Variants in DPYD observed in about 807,000 individuals in gnomAD.
DPYD encodes the protein dihydropyrimidine dehydrogenase, also known as dihydropyrimidine dehydrogenase [NADP(+)].
DPYD carries 109 observed loss-of-function variants against 116.2 expected under a neutral mutation model. The observed-to-expected ratio is 0.94, with a 90% confidence interval of 0.80 to 1.10. The LOEUF (loss-of-function observed/expected upper bound fraction) is 1.10. Among genes scored for constraint, DPYD ranks in the 50% least tolerant of loss-of-function variants. The probability of loss-of-function intolerance (pLI) is 0.00; values close to 1 mark genes in which losing one functional copy is unlikely to be tolerated. For missense variants in DPYD, 1,302 were observed against 1,254.5 expected (o/e 1.04, Z -0.57); for synonymous variants, 440 against 432.0 (o/e 1.02, Z -0.23).
At chr1:97,310,249 G>T (rs1667424842) in intron 16 of DPYD, among the ~76,000 whole-genome samples, 1 of 151,698 alleles carries the variant, frequency 6.6e-6, no homozygotes, top group South Asian at 2.1e-4. Flanking sequence ...GAGGTGGCTA[G>T]AATTTTCATT....
At chr1:97,430,105 T>C (rs996009758) in intron 14 of DPYD, among the ~76,000 whole-genome samples, 2 of 152,128 alleles carry the variant, frequency 1.3e-5, no homozygotes, top group Non-Finnish European at 1.5e-5. Flanking sequence ...ATAATTCAGT[T>C]ACGTTTATTG....
chr1:97,195,519 G>GGAGAGAGAGAGAGAGA (rs3050245), intron 19 of DPYD, among the ~76,000 whole-genome samples: 1 of 75,024 alleles, frequency 1.3e-5, no homozygotes, highest in African/African-American at 5.2e-5. Flanking sequence ...AATGGGATAA[G>GGAGAGAGAGAGAGAGA]GAGAGAGAGA....
intron 3 of DPYD, among the ~76,000 whole-genome samples, chr1:97,779,249 T>C (rs1666592671): frequency 6.6e-6 from 1 of 151,902 alleles, no homozygotes; most frequent in Non-Finnish European, 1.5e-5. Flanking sequence ...CCAATAACAG[T>C]TTAAGAAGTT....
At chr1:97,693,467 C>G (rs2100956198) in intron 6 of DPYD, among the ~76,000 whole-genome samples, 1 of 152,076 alleles carries the variant, frequency 6.6e-6, no homozygotes, top group East Asian at 1.9e-4. Context: ...CTTGTGAACT[C>G]CAGCCACATT....
At chr1:97,424,122 T>C (rs1227325955) in intron 14 of DPYD, among the ~76,000 whole-genome samples, 3 of 152,076 alleles carry the variant, frequency 2.0e-5, no homozygotes, top group Non-Finnish European at 4.4e-5. Flanking sequence ...AGCCAGACAA[T>C]TAAACAAACT....
intron 3 of DPYD, among the ~76,000 whole-genome samples, chr1:97,820,809 G>A (rs1222910025): frequency 6.6e-6 from 1 of 152,126 alleles, no homozygotes; most frequent in Admixed American, 6.5e-5. Context: ...GGCAATGTTG[G>A]CACTCCAAAA....
intron 20 of DPYD, among the ~76,000 whole-genome samples, chr1:97,176,050 T>C (rs1657231887): frequency 6.6e-6 from 1 of 152,232 alleles, no homozygotes; most frequent in Non-Finnish European, 1.5e-5. Flanking sequence ...GGAGTGTTAC[T>C]GAACAAACAT....
At chr1:97,895,669 T>G (rs1463135377) in intron 1 of DPYD, among the ~76,000 whole-genome samples, 1 of 151,662 alleles carries the variant, frequency 6.6e-6, no homozygotes, top group Non-Finnish European at 1.5e-5. Flanking sequence ...AGCAAGGAGC[T>G]GAGGAGTTGG....
At chr1:97,644,425 T>G (rs1467134636) in intron 8 of DPYD, among the ~76,000 whole-genome samples, 2 of 151,764 alleles carry the variant, frequency 1.3e-5, no homozygotes, top group Non-Finnish European at 2.9e-5. Flanking sequence ...GAATTTTCCA[T>G]TTTTGTTTGT....
chr1:97,209,940 T>A (rs1051044951), intron 19 of DPYD, among the ~76,000 whole-genome samples: 3 of 152,158 alleles, frequency 2.0e-5, no homozygotes, highest in Non-Finnish European at 4.4e-5. Flanking sequence ...CCACAAACTG[T>A]TAAGGTCCTC....
chr1:97,627,289 T>G (rs1048173172), intron 8 of DPYD, among the ~76,000 whole-genome samples: 9 of 152,076 alleles, frequency 5.9e-5, no homozygotes, highest in Admixed American at 3.3e-4. Flanking sequence ...ACTTACAACA[T>G]ATTGCCTCCA....
chr1:97,664,253 T>C (rs1008706758), intron 8 of DPYD, among the ~76,000 whole-genome samples: 3 of 152,080 alleles, frequency 2.0e-5, no homozygotes, highest in African/African-American at 4.8e-5. Context: ...AGGAAACTTA[T>C]AAATATTAGA....
At chr1:97,414,527 G>C (rs938274660) in intron 14 of DPYD, among the ~76,000 whole-genome samples, 3 of 152,218 alleles carry the variant, frequency 2.0e-5, no homozygotes, top group Admixed American at 1.3e-4. Flanking sequence ...ATGTGCATCA[G>C]AGGGGGCTCA....
intron 10 of DPYD, among the ~76,000 whole-genome samples, chr1:97,581,043 C>G (rs902045824): frequency 6.6e-6 from 1 of 151,942 alleles, no homozygotes; most frequent in Non-Finnish European, 1.5e-5. Context: ...GGTTTAGGAG[C>G]CTGATTAAAA....
At chr1:97,897,932 G>T (rs928292132) in intron 1 of DPYD, among the ~76,000 whole-genome samples, 2 of 151,694 alleles carry the variant, frequency 1.3e-5, no homozygotes, top group African/African-American at 2.4e-5. Context: ...ACCATATTGG[G>T]TACATGATAT....
chr1:97,382,486 A>G (rs749583117), intron 14 of DPYD, 25 bp from the exon 15 acceptor site: 19 of 1,482,302 alleles, frequency 1.3e-5, no homozygotes, highest in African/African-American at 1.1e-4. Flanking sequence ...ACAAAAGAAT[A>G]TAAGTTCAAG....
intron 8 of DPYD, among the ~76,000 whole-genome samples, chr1:97,632,519 T>C (rs910553118): frequency 1.3e-5 from 2 of 152,126 alleles, no homozygotes; most frequent in Non-Finnish European, 2.9e-5. Context: ...GAGTAACAAA[T>C]ATTTTAAGAC....
At chr1:97,758,592 T>G (rs74108308) in intron 3 of DPYD, among the ~76,000 whole-genome samples, 2,357 of 152,282 alleles carry the variant, frequency 0.015, 24 homozygotes, top group Middle Eastern at 0.048. Flanking sequence ...TCTAATCTGG[T>G]CCAAAATATT....
At chr1:97,913,804 A>G (rs1162469998) in intron 1 of DPYD, among the ~76,000 whole-genome samples, 1 of 151,844 alleles carries the variant, frequency 6.6e-6, no homozygotes, top group Non-Finnish European at 1.5e-5. Context: ...TGAGGGGTTG[A>G]GGTGGAGGAG....
Sources: allele counts gnomAD v4.1 joint callset (sites outside exome capture counted in the v4.1 genomes callset), GRCh38; gene constraint gnomAD v4.1.1; transcripts MANE v1.5; gene names NCBI Gene and HGNC (gene_info 2026-07-23, HGNC 2026-07-21).